The following HEXIM1 variants were observed in gnomAD, a reference collection of about 807,000 sequenced individuals.
HEXIM1 encodes protein HEXIM1.
Under a neutral mutation model 30.3 loss-of-function variants are expected in HEXIM1, and 1 was observed. The ratio of observed to expected loss-of-function variants is 0.03; its 90% CI spans 0.01 to 0.16. The LOEUF (loss-of-function observed/expected upper bound fraction) is 0.16, where lower values mean the gene tolerates loss of function less well. Ranked by LOEUF, HEXIM1 falls within the 10% of genes least tolerant of loss-of-function variation. HEXIM1 has a pLI of 1.00. For synonymous variants in HEXIM1, 245 were observed against 208.3 expected, an observed-to-expected ratio of 1.18 and a Z score of -1.52; for missense variants, 391 against 476.4, an observed-to-expected ratio of 0.82 and a Z score of 1.67.
chr17:45,150,147 C>T lies in HEXIM1; in HGVS notation c.957C>T (p.Asp319=). ...AGAGCAAGCGGCTGGGTGGCGACGA[C>T]GCGCGTGTGCGGGAGCTGGAGCTGG... The part of the protein sequence containing the change: ...RLESKRLGGD[D]ARVRELELEL... The change falls in exon 1 of 1, where the codon GAC becomes GAT. Residue 319 remains aspartate (D), a synonymous_variant. Coordinates refer to ENST00000332499, the MANE Select transcript of HEXIM1 (RefSeq NM_006460.3). The T allele has an allele frequency of 1.2e-6, 2 of 1,613,484 alleles. No homozygotes were observed. The highest frequency in any genetic ancestry group is 2.7e-5 in the African/African-American group (2 of 75,030).
Position 45,150,359 on chromosome 17 carries a change from C to T in HEXIM1, c.*89C>T. On this transcript the variant is annotated 3_prime_UTR_variant, in exon 1 of 1. Transcript: ENST00000332499. The stretch of plus-strand genomic sequence containing the variant: ...ATACATGTGTATATAAGACAGTGGA[C>T]CTTTTTATGACACATAATCAGAAGA... 4.1e-6 allele frequency: 6 copies of T among 1,454,032 alleles called. No individual in the cohort carries two copies. Among genetic ancestry groups the T allele is most frequent in the Non-Finnish European group, 5.6e-6 (6 of 1,075,210 alleles). The allele number at this position is 1,454,032 out of a possible 1,614,324, so 90.1% of individuals were successfully genotyped here. A position where few individuals can be genotyped will look rare whatever the true frequency, so the allele number is the denominator to read the frequency against.
Position 45,149,554 on chromosome 17 carries a change from T to C in HEXIM1, c.364T>C (p.Cys122Arg), listed in dbSNP as rs2055530160. The change falls in exon 1 of 1, where the codon TGT becomes CGT. Residue 122 changes from cysteine to arginine, a missense_variant. Transcript: ENST00000332499. This position sits in a 1 kb window ranked among gnomAD's most constrained non-coding sequence, Gnocchi z 5.3. ...TPEAELLAQP[C>R]HDSEASKLGA... ...CGAGGCCGAGCTGCTCGCCCAGCCT[T>C]GTCATGACTCCGAGGCCAGTAAGTT... 1 of 1,607,542 alleles carries C rather than the reference T, an allele frequency of 6.2e-7. No individual in the cohort carries two copies. The highest frequency in any genetic ancestry group is 8.5e-7 in the Non-Finnish European group (1 of 1,177,456).
chr17:45,148,871 C>T lies in HEXIM1; in HGVS notation c.-320C>T. On this transcript the variant is annotated 5_prime_UTR_variant, in exon 1 of 1. Coordinates refer to ENST00000332499, the MANE Select transcript of HEXIM1 (RefSeq NM_006460.3). ...TTACCCTCATCACCTTGCTCACCAACTCCTTTATTGGGGTGCTCCGCTTGG... is the reference window on the plus strand; with the variant it reads ...TTACCCTCATCACCTTGCTCACCAATTCCTTTATTGGGGTGCTCCGCTTGG... 2.3e-6 allele frequency: 1 copy of T among 434,904 alleles called. No homozygotes were observed. Among genetic ancestry groups the T allele is most frequent in the South Asian group, 6.7e-5 (1 of 14,824 alleles). The allele number at this position is 434,904 out of a possible 1,614,324, so 26.9% of individuals were successfully genotyped here.
At position 45,151,416 on chromosome 17, in the gene HEXIM1, C is replaced by T. The variant is rs148641587; in HGVS notation, c.*1146C>T. The T allele has an allele frequency of 1.2e-4, 20 of 167,130 alleles. No homozygotes were observed. The highest frequency in any genetic ancestry group is 4.8e-4 in the African/African-American group (20 of 41,560). The allele number at this position is 167,130 out of a possible 1,614,324, so 10.4% of individuals were successfully genotyped here. On this transcript the variant is annotated 3_prime_UTR_variant, in exon 1 of 1. Coordinates refer to ENST00000332499, the MANE Select transcript of HEXIM1 (RefSeq NM_006460.3). ...CAGTTAAGGAGCTAAATGAGGTCCT[C>T]AGCTGAATGAGGAACCCTGTACATC... is the stretch of plus-strand genomic sequence containing the variant.
Position 45,149,879 on chromosome 17 carries a change from C to T in HEXIM1, c.689C>T (p.Ala230Val), listed in dbSNP as rs2055534132. ...LKTGLYSKRA[A>V]AKSDDTSDDD... is the part of the protein sequence containing the mutation. ...ACCGGCCTGTACTCCAAGCGGGCCG[C>T]CGCCAAATCCGACGACACCAGCGAT... Residue 230 changes from alanine to valine, a missense_variant, in exon 1 of 1, where the codon GCC becomes GTC. Ala to Val is a moderately conservative substitution (Grantham distance 64). This residue lies in a region of HEXIM1 where 38 missense variants were observed against 40.0 expected (regional missense o/e 0.95). Coordinates refer to ENST00000332499, the MANE Select transcript of HEXIM1 (RefSeq NM_006460.3). This position sits in a 1 kb window ranked among gnomAD's most constrained non-coding sequence, Gnocchi z 5.3. 1 of 1,613,574 alleles carries T rather than the reference C, an allele frequency of 6.2e-7. No individual in the cohort carries two copies. Among genetic ancestry groups the T allele is most frequent in the East Asian group, 2.2e-5 (1 of 44,878 alleles).
At position 45,148,530 on chromosome 17, in the gene HEXIM1, A is replaced by G; in HGVS notation, c.-661A>G. 6.9e-6 allele frequency: 2 copies of G among 288,496 alleles called. No individual in the cohort carries two copies. The highest frequency in any genetic ancestry group is 1.3e-5 in the Non-Finnish European group (2 of 159,292). The allele number at this position is 288,496 out of a possible 1,614,324, so 17.9% of individuals were successfully genotyped here. On this transcript the variant is annotated 5_prime_UTR_variant, in exon 1 of 1. Transcript: ENST00000332499. ...GGTTGGGAGGGAAAGTCGGGGGAGG[A>G]CGCGGAAGAGGAGCTGTGGGAAGGG...
Position 45,150,230 on chromosome 17 carries a change from G to C in HEXIM1, c.1040G>C (p.Arg347Pro). 1 of 1,609,676 alleles carries C rather than the reference G, an allele frequency of 6.2e-7. No homozygotes were observed. The highest frequency in any genetic ancestry group is 1.3e-5 in the African/African-American group (1 of 74,982). ...CTGCTGACCGAGAACGAACTGCACC[G>C]GCAGCAGGAGCGAGCGCCGCTTTCC... The part of the protein sequence containing the change: ...LQLLTENELH[R>P]QQERAPLSKF... The change falls in exon 1 of 1, where the codon CGG becomes CCG. Residue 347 changes from arginine to proline, a missense_variant. Physicochemically the swap from Arg to Pro is moderately radical, Grantham distance 103. Coordinates refer to ENST00000332499, the MANE Select transcript of HEXIM1 (RefSeq NM_006460.3).
At position 45,148,517 on chromosome 17, in the gene HEXIM1, A is replaced by G. The variant is rs561207148; in HGVS notation, c.-674A>G. The G allele has an allele frequency of 5.7e-5, 22 of 387,708 alleles. No homozygotes were observed. The highest frequency in any genetic ancestry group is 3.5e-4 in the African/African-American group (17 of 48,148). 24.0% of individuals were successfully genotyped at this position (387,708 alleles called of 1,614,324 possible). On this transcript the variant is annotated 5_prime_UTR_variant, in exon 1 of 1. Transcript: ENST00000332499. ...AGGTGGAGAGGCAGGTTGGGAGGGAAAGTCGGGGGAGGACGCGGAAGAGGA... is the reference window on the plus strand; with the variant it reads ...AGGTGGAGAGGCAGGTTGGGAGGGAGAGTCGGGGGAGGACGCGGAAGAGGA...
rs1801920 is a variant in HEXIM1 at position 45,150,784 on chromosome 17, A to C, written c.*514A>C. The stretch of plus-strand genomic sequence containing the variant: ...AAAAATATCAATCTTTAATGGGAGA[A>C]TTTTCAATTTGCCAATTTTTTCCTT... On this transcript the variant is annotated 3_prime_UTR_variant, in exon 1 of 1. Coordinates refer to ENST00000332499, the MANE Select transcript of HEXIM1 (RefSeq NM_006460.3). The C allele has an allele frequency of 0.056, 9,377 of 168,892 alleles. 895 individuals carry two copies. The highest frequency in any genetic ancestry group is 0.2 in the African/African-American group (8,244 of 41,472). 10.5% of individuals were successfully genotyped at this position (168,892 alleles called of 1,614,324 possible).
rs928168104 is a variant in HEXIM1 at position 45,151,710 on chromosome 17, G to C, written c.*1440G>C. On this transcript the variant is annotated 3_prime_UTR_variant, in exon 1 of 1. Transcript: ENST00000332499. ...GCCTTAGAAACCATTGTGGGCCTTG[G>C]GGTCCATGAACCCCATGAAATTATT... The C allele has an allele frequency of 7.8e-5, 13 of 167,022 alleles. No homozygotes were observed. The highest frequency in any genetic ancestry group is 3.1e-4 in the African/African-American group (13 of 41,428). 10.3% of individuals were successfully genotyped at this position (167,022 alleles called of 1,614,324 possible).
Position 45,149,514 on chromosome 17 carries a change from A to G in HEXIM1, c.324A>G (p.Glu108=). The change falls in exon 1 of 1, where the codon GAA becomes GAG. Residue 108 remains glutamate, a synonymous_variant. Coordinates refer to ENST00000332499, the MANE Select transcript of HEXIM1 (RefSeq NM_006460.3). The surrounding 1 kb of genome is among the most constrained non-coding windows in gnomAD (Gnocchi z 5.3). ...GCGGCGACTTCCCGCCGCCGGCAGA[A>G]GTGGAACCGACGCCCGAGGCCGAGC... ...SAGGDFPPPA[E]VEPTPEAELL... The G allele has an allele frequency of 1.9e-6, 3 of 1,608,898 alleles. No homozygotes were observed. Among genetic ancestry groups the G allele is most frequent in the Non-Finnish European group, 2.5e-6 (3 of 1,178,204 alleles).
Position 45,149,324 on chromosome 17 carries a change from G to A in HEXIM1, c.134G>A (p.Ser45Asn), listed in dbSNP as rs2055528171. The change falls in exon 1 of 1, where the codon AGT (serine) becomes AAT (asparagine). Residue 45 changes from serine (S) to asparagine (N), a missense_variant. Ser to Asn is a conservative substitution (Grantham distance 46). This residue lies in a region of HEXIM1 where 230 missense variants were observed against 199.4 expected (regional missense o/e 1.15). Transcript: ENST00000332499. This position sits in a 1 kb window ranked among gnomAD's most constrained non-coding sequence, Gnocchi z 5.3. ...GAEERVPEED[S>N]RWQSRAFPQL... ...GAGGAGCGGGTGCCCGAGGAGGACA[G>A]TAGGTGGCAATCGAGAGCGTTCCCC... 4 of 1,613,664 alleles carry A rather than the reference G, an allele frequency of 2.5e-6. No homozygotes were observed. The highest frequency in any genetic ancestry group is 4.5e-5 in the East Asian group (2 of 44,864).
At position 45,149,991 on chromosome 17, in the gene HEXIM1, C is replaced by T. The variant is rs780372202; in HGVS notation, c.801C>T (p.Phe267=). The T allele has an allele frequency of 1.9e-6, 3 of 1,613,952 alleles. No individual in the cohort carries two copies. The highest frequency in any genetic ancestry group is 1.7e-5 in the Admixed American group (1 of 60,004). Residue 267 remains phenylalanine (F), a synonymous_variant, in exon 1 of 1, where the codon TTC becomes TTT. Transcript: ENST00000332499. The surrounding 1 kb of genome is among the most constrained non-coding windows in gnomAD (Gnocchi z 5.3). ...GDGSEFLQRD[F]SETYERYHTE... is the part of the protein sequence containing the mutation. ...GCAGCGAGTTTCTGCAGCGGGACTT[C>T]TCGGAGACGTACGAGCGGTACCACA...
Position 45,148,541 on chromosome 17 carries a change from G to C in HEXIM1, c.-650G>C, listed in dbSNP as rs1398999110. The C allele has an allele frequency of 7.5e-6, 3 of 398,014 alleles. No individual in the cohort carries two copies. Among genetic ancestry groups the C allele is most frequent in the Non-Finnish European group, 1.3e-5 (3 of 226,070 alleles). The allele number at this position is 398,014 out of a possible 1,614,324, so 24.7% of individuals were successfully genotyped here. ...AAAGTCGGGGGAGGACGCGGAAGAG[G>C]AGCTGTGGGAAGGGGGAGGAGGGAG... is the stretch of plus-strand genomic sequence containing the variant. On this transcript the variant is annotated 5_prime_UTR_variant, in exon 1 of 1. Transcript: ENST00000332499.
At position 45,150,063 on chromosome 17, in the gene HEXIM1, C is replaced by T; in HGVS notation, c.873C>T (p.Tyr291=). The change falls in exon 1 of 1, where the codon TAC becomes TAT. Residue 291 remains tyrosine, a synonymous_variant. Coordinates refer to ENST00000332499, the MANE Select transcript of HEXIM1 (RefSeq NM_006460.3). ...GCAAGCAGGAGCTCATCAAGGAGTA[C>T]CTGGAACTGGAGAAGTGCCTCTCGC... The part of the protein sequence containing the change: ...NMSKQELIKE[Y]LELEKCLSRM... 6.2e-7 allele frequency: 1 copy of T among 1,613,926 alleles called. No homozygotes were observed. Among genetic ancestry groups the T allele is most frequent in the South Asian group, 1.1e-5 (1 of 91,072 alleles).
rs1009333138 is a variant in HEXIM1, at chr17:45,149,099, TTTTTTCTTTTTC to T, written c.-86_-75del. On this transcript the variant is annotated 5_prime_UTR_variant, in exon 1 of 1. Transcript: ENST00000332499. The surrounding 1 kb of genome is among the most constrained non-coding windows in gnomAD (Gnocchi z 5.3). ...GAAGAGGACTCTGTTGGACTGTTTT[TTTTTTCTTTTTC>T]TTTTTTTTAAGAAAAACCCATTTTT... is the stretch of plus-strand genomic sequence containing the variant. The T allele has an allele frequency of 1.4e-5, 18 of 1,274,848 alleles. No individual in the cohort carries two copies. Among genetic ancestry groups the T allele is most frequent in the Middle Eastern group, 2.2e-4 (1 of 4,462 alleles). 79.0% of individuals were successfully genotyped at this position (1,274,848 alleles called of 1,614,324 possible).
In HEXIM1 at chr17:45,148,960, T is replaced by C. The variant is rs2055524420; in HGVS notation, c.-231T>C. 1.9e-6 allele frequency: 1 copy of C among 521,982 alleles called. No homozygotes were observed. Among genetic ancestry groups the C allele is most frequent in the Non-Finnish European group, 3.3e-6 (1 of 298,984 alleles). The allele number at this position is 521,982 out of a possible 1,614,324, so 32.3% of individuals were successfully genotyped here. On this transcript the variant is annotated 5_prime_UTR_variant, in exon 1 of 1. Transcript: ENST00000332499. The stretch of plus-strand genomic sequence containing the variant: ...TGCCGCTGCACCCCCTTGGACCCGC[T>C]AGCTGGCCGCACTGTGGGCGCTTAA...
Position 45,151,262 on chromosome 17 carries a change from G to A in HEXIM1, c.*992G>A, listed in dbSNP as rs996268486. 9 of 166,940 alleles carry A rather than the reference G, an allele frequency of 5.4e-5. No homozygotes were observed. Among genetic ancestry groups the A allele is most frequent in the African/African-American group, 2.2e-4 (9 of 41,464 alleles). 10.3% of individuals were successfully genotyped at this position (166,940 alleles called of 1,614,324 possible). A position where few individuals can be genotyped will look rare whatever the true frequency, so the allele number is the denominator to read the frequency against. On this transcript the variant is annotated 3_prime_UTR_variant, in exon 1 of 1. Transcript: ENST00000332499. Reference sequence around the variant, plus strand: ...CAAATGGCTGTTTGGGGGATTCCAAGGATTTACCTAATTGTCCAATTCTAC... The same window carrying A: ...CAAATGGCTGTTTGGGGGATTCCAAAGATTTACCTAATTGTCCAATTCTAC...
At position 45,148,944 on chromosome 17, in the gene HEXIM1, A is replaced by G. The variant is rs2055524252; in HGVS notation, c.-247A>G. The G allele has an allele frequency of 1.0e-5, 5 of 494,232 alleles. No individual in the cohort carries two copies. The allele number at this position is 494,232 out of a possible 1,614,324, so 30.6% of individuals were successfully genotyped here. ...CATTACGTACTGTTCCTGCCGCTGC[A>G]CCCCCTTGGACCCGCTAGCTGGCCG... On this transcript the variant is annotated 5_prime_UTR_variant, in exon 1 of 1. Transcript: ENST00000332499.
Sources: gnomAD v4.1 joint callset for allele counts on GRCh38, gnomAD v4.1.1 for gene constraint, gnomAD v4.1.1 regional missense constraint, Gnocchi (gnomAD v3.1) non-coding constraint, MANE v1.5 for transcripts, NCBI Gene and HGNC (gene_info 2026-07-23, HGNC 2026-07-21) for gene names.